Variants in PRELP observed in about 807,000 individuals in gnomAD.
The protein encoded by PRELP is proline and arginine rich end leucine rich repeat protein, also known as prolargin.
A neutral mutation model predicts 22.8 loss-of-function variants in PRELP; 16 were observed. The ratio of observed to expected loss-of-function variants is 0.70; its 90% CI spans 0.47 to 1.06. PRELP has a LOEUF of 1.06. Among genes scored for constraint, PRELP ranks in the 50% least tolerant of loss-of-function variants. The probability of loss-of-function intolerance (pLI) is 0.00; values close to 1 mark genes in which losing one functional copy is unlikely to be tolerated. For missense variants in PRELP, 434 were observed against 485.2 expected, an observed-to-expected ratio of 0.89 and a Z score of 0.99; for synonymous variants, 233 against 211.4, an observed-to-expected ratio of 1.10 and a Z score of -0.89.
rs1013182830 is a variant in PRELP at position 203,491,245 on chromosome 1, T to A, written c.*4364T>A. 5 of 151,610 alleles carry A rather than the reference T, an allele frequency of 3.3e-5. No individual in the cohort carries two copies. Among genetic ancestry groups the A allele is most frequent in the African/African-American group, 1.2e-4 (5 of 41,168 alleles). 9.4% of individuals were successfully genotyped at this position (151,610 alleles called of 1,614,324 possible). Reference sequence around the variant, plus strand: ...CCTTTGACTGTAATTTTCCATTACCTACCCACATCTTATAAAATGGCCCCA... The same window carrying A: ...CCTTTGACTGTAATTTTCCATTACCAACCCACATCTTATAAAATGGCCCCA... On this transcript the variant is annotated 3_prime_UTR_variant, in exon 3 of 3. Transcript: ENST00000343110. This position sits in a 1 kb window ranked among gnomAD's most constrained non-coding sequence, Gnocchi z 4.4.
Position 203,483,458 on chromosome 1 carries a change from C to A in PRELP, c.274C>A (p.Arg92Ser). The A allele has an allele frequency of 6.2e-7, 1 of 1,614,192 alleles. No homozygotes were observed. The highest frequency in any genetic ancestry group is 1.3e-5 in the African/African-American group (1 of 75,056). Residue 92 changes from arginine to serine, a missense_variant, in exon 2 of 3, where the codon CGC becomes AGC. Coordinates refer to ENST00000343110, the MANE Select transcript of PRELP (RefSeq NM_002725.4). The surrounding 1 kb of genome is among the most constrained non-coding windows in gnomAD (Gnocchi z 4.4). ...DFPSALYCDS[R>S]NLRKVPVIPP... ...CCCATCTGCCCTCTACTGTGATAGCCGCAACCTGCGAAAGGTCCCTGTCAT... is the reference window on the plus strand; with the variant it reads ...CCCATCTGCCCTCTACTGTGATAGCAGCAACCTGCGAAAGGTCCCTGTCAT...
chr1:203,484,368 T>G (rs538842879), intron 2 of PRELP, among the ~76,000 whole-genome samples: 1 of 152,364 alleles, frequency 6.6e-6, no homozygotes, highest in South Asian at 2.1e-4. Context: ...AAAGTGAGAA[T>G]GGTAACAATA....
At chr1:203,476,176 C>T in intron 1 of PRELP, among the ~76,000 whole-genome samples, 1 of 152,200 alleles carries the variant, frequency 6.6e-6, no homozygotes. Flanking sequence ...GTTAAGCTTT[C>T]CTGCTGCAGA....
rs771560834 is a variant in PRELP, at chr1:203,484,020, C to G, written c.836C>G (p.Thr279Arg). ...AFIRLNYNKLTDRGLPKNSFN... is the reference protein window; with the variant it reads ...AFIRLNYNKLRDRGLPKNSFN... Reference sequence around the variant, plus strand: ...ATTCGGCTTAACTACAACAAGCTGACAGACAGGGGACTCCCCAAGAACTCC... The same window carrying G: ...ATTCGGCTTAACTACAACAAGCTGAGAGACAGGGGACTCCCCAAGAACTCC... The change falls in exon 2 of 3, where the codon ACA (threonine) becomes AGA (arginine). Residue 279 changes from threonine (T) to arginine (R), a missense_variant. Thr to Arg is a moderately conservative substitution (Grantham distance 71, BLOSUM62 -1). Coordinates refer to ENST00000343110, the MANE Select transcript of PRELP (RefSeq NM_002725.4). 1.2e-6 allele frequency: 2 copies of G among 1,614,270 alleles called. No homozygotes were observed. The highest frequency in any genetic ancestry group is 1.7e-6 in the Non-Finnish European group (2 of 1,180,048).
In PRELP at chr1:203,483,054, T is replaced by C; in HGVS notation, c.-16-115T>C. The C allele has an allele frequency of 1.2e-6, 1 of 844,262 alleles. No individual in the cohort carries two copies. The highest frequency in any genetic ancestry group is 1.9e-6 in the Non-Finnish European group (1 of 533,448). The allele number at this position is 844,262 out of a possible 1,614,324, so 52.3% of individuals were successfully genotyped here. On this transcript the variant is annotated intron_variant, in intron 1 of 2. Coordinates refer to ENST00000343110, the MANE Select transcript of PRELP (RefSeq NM_002725.4). The surrounding 1 kb of genome is among the most constrained non-coding windows in gnomAD (Gnocchi z 4.4). ...ACAAGGAGATGCTTCCACAGCTCCC[T>C]GAGCTCTGCCCATCTTCCCTAGAGC...
chr1:203,487,532 C>T lies in PRELP; in HGVS notation c.*651C>T, dbSNP rs1056931402. On this transcript the variant is annotated 3_prime_UTR_variant, in exon 3 of 3. Coordinates refer to ENST00000343110, the MANE Select transcript of PRELP (RefSeq NM_002725.4). ...GCAGGACACAGGGATGCGCAGGGCG[C>T]CCCCTTCTGTTCCAGGGTGAACATA... 2.1e-4 allele frequency: 32 copies of T among 152,934 alleles called. No homozygotes were observed. The highest frequency in any genetic ancestry group is 7.5e-4 in the African/African-American group (31 of 41,478). The allele number at this position is 152,934 out of a possible 1,614,324, so 9.5% of individuals were successfully genotyped here.
chr1:203,481,235 A>AT (rs1233795563), intron 1 of PRELP, among the ~76,000 whole-genome samples: 15 of 140,846 alleles, frequency 1.1e-4, no homozygotes, highest in African/African-American at 4.1e-4. Flanking sequence ...TTAGAAAATA[A>AT]ATTTTTTTTT....
At chr1:203,481,022 G>T (rs999380826) in intron 1 of PRELP, among the ~76,000 whole-genome samples, 1 of 146,614 alleles carries the variant, frequency 6.8e-6, no homozygotes, top group Non-Finnish European at 1.5e-5. Context: ...ACCCCGCCCC[G>T]CCCAGCACAG....
At chr1:203,476,700 T>A (rs1357336167) in intron 1 of PRELP, among the ~76,000 whole-genome samples, 1 of 152,178 alleles carries the variant, frequency 6.6e-6, no homozygotes, top group Non-Finnish European at 1.5e-5. Context: ...TTTTCCAACC[T>A]GCACAGTGTC....
chr1:203,478,041 G>A (rs1660942108), intron 1 of PRELP, among the ~76,000 whole-genome samples: 1 of 152,208 alleles, frequency 6.6e-6, no homozygotes, highest in Admixed American at 6.5e-5. Flanking sequence ...CCTCTAGCCA[G>A]GCTGGAGGGA....
intron 1 of PRELP, among the ~76,000 whole-genome samples, chr1:203,476,867 A>G (rs1192616461): frequency 6.6e-6 from 1 of 152,050 alleles, no homozygotes; most frequent in Non-Finnish European, 1.5e-5. Context: ...GCAGCCAGAA[A>G]AATATTTTTC....
chr1:203,481,915 G>A (rs1661007174), intron 1 of PRELP, among the ~76,000 whole-genome samples: 1 of 152,056 alleles, frequency 6.6e-6, no homozygotes, highest in African/African-American at 2.4e-5. Flanking sequence ...CGTGTCCCCT[G>A]CCCCTCAACA....
rs777226595 is a variant in PRELP at position 203,487,992 on chromosome 1, C to A, written c.*1111C>A. On this transcript the variant is annotated 3_prime_UTR_variant, in exon 3 of 3. Coordinates refer to ENST00000343110, the MANE Select transcript of PRELP (RefSeq NM_002725.4). ...CCCAGTCTTGCGCCTGGCCCTCTTC[C>A]TGGGGTGATTTTCCTCGGTGGAGGA... 1 of 152,340 alleles carries A rather than the reference C, an allele frequency of 6.6e-6. No individual in the cohort carries two copies. The highest frequency in any genetic ancestry group is 1.5e-5 in the Non-Finnish European group (1 of 68,146). The allele number at this position is 152,340 out of a possible 1,614,324, so 9.4% of individuals were successfully genotyped here. A position where few individuals can be genotyped will look rare whatever the true frequency, so the allele number is the denominator to read the frequency against.
rs1005800002 is a variant in PRELP, at chr1:203,487,913, C to G, written c.*1032C>G. On this transcript the variant is annotated 3_prime_UTR_variant, in exon 3 of 3. Coordinates refer to ENST00000343110, the MANE Select transcript of PRELP (RefSeq NM_002725.4). ...TCCACGTTTGAAAATGCGCCTCCTC[C>G]TCGGAGACAGACGCATCGGTGCCAC... is the stretch of plus-strand genomic sequence containing the variant. The G allele has an allele frequency of 6.6e-6, 1 of 152,268 alleles. No homozygotes were observed. Among genetic ancestry groups the G allele is most frequent in the Non-Finnish European group, 1.5e-5 (1 of 68,056 alleles). 9.4% of individuals were successfully genotyped at this position (152,268 alleles called of 1,614,324 possible).
intron 2 of PRELP, 80 bp downstream of exon 2, chr1:203,484,237 A>G: frequency 6.5e-7 from 1 of 1,527,968 alleles, no homozygotes; most frequent in South Asian, 1.3e-5. Flanking sequence ...AGGGAGACTC[A>G]GGGTGGGGTG....
At position 203,490,831 on chromosome 1, in the gene PRELP, A is replaced by G. The variant is rs1313342222; in HGVS notation, c.*3950A>G. 6.6e-6 allele frequency: 1 copy of G among 152,208 alleles called. No individual in the cohort carries two copies. Among genetic ancestry groups the G allele is most frequent in the East Asian group, 1.9e-4 (1 of 5,198 alleles). 9.4% of individuals were successfully genotyped at this position (152,208 alleles called of 1,614,324 possible). A position where few individuals can be genotyped will look rare whatever the true frequency, so the allele number is the denominator to read the frequency against. ...GGTTCACTTCACGGATGTTCAGTGG[A>G]TATCGGTCACATGCCAGGTCCCCAG... On this transcript the variant is annotated 3_prime_UTR_variant, in exon 3 of 3. Coordinates refer to ENST00000343110, the MANE Select transcript of PRELP (RefSeq NM_002725.4).
rs139551473 is a variant in PRELP at position 203,486,833 on chromosome 1, G to T, written c.1101G>T (p.Pro367=). ...GAAACTACTTGAAGCCGCCCATCCC[G>T]CTGGACCTCATGATGTGCTTCCGCC... ...LDGNYLKPPI[P]LDLMMCFRLL... The change falls in exon 3 of 3, where the codon CCG becomes CCT. Residue 367 remains proline, a synonymous_variant. Transcript: ENST00000343110. The T allele has an allele frequency of 6.2e-7, 1 of 1,614,116 alleles. No individual in the cohort carries two copies. Among genetic ancestry groups the T allele is most frequent in the Admixed American group, 1.7e-5 (1 of 60,018 alleles).
chr1:203,476,844 T>G (rs963745917), intron 1 of PRELP, among the ~76,000 whole-genome samples: 9 of 152,132 alleles, frequency 5.9e-5, no homozygotes, highest in African/African-American at 2.2e-4. Flanking sequence ...TTTTTTATTT[T>G]TTTTTCCTGC....
At position 203,483,759 on chromosome 1, in the gene PRELP, G is replaced by GC; in HGVS notation, c.576dup (p.Lys193GlnfsTer60). ...TCCAGAATCCCGCCTGGTGTCTTCA[G>GC]CAAGCTGGAGAACCTGCTGCTCCTG... On this transcript the variant is annotated frameshift_variant, in exon 2 of 3. Transcript: ENST00000343110. LOFTEE classifies it high-confidence loss of function. The surrounding 1 kb of genome is among the most constrained non-coding windows in gnomAD (Gnocchi z 4.4). 1 of 1,614,212 alleles carries GC rather than the reference G, an allele frequency of 6.2e-7. No individual in the cohort carries two copies. The highest frequency in any genetic ancestry group is 1.1e-5 in the South Asian group (1 of 91,086).
Sources: allele counts gnomAD v4.1 joint callset (sites outside exome capture counted in the v4.1 genomes callset), GRCh38; gene constraint gnomAD v4.1.1; non-coding constraint Gnocchi (gnomAD v3.1); transcripts MANE v1.5; gene names NCBI Gene and HGNC (gene_info 2026-07-23, HGNC 2026-07-21).